CLIC1: variants seen among roughly 807,000 people sequenced by gnomAD.
The protein encoded by CLIC1 is chloride intracellular channel protein 1.
CLIC1 carries 16 observed loss-of-function variants against 26.4 expected under a neutral mutation model. That is an observed-to-expected ratio of 0.61 (90% CI 0.41 to 0.92). The LOEUF is 0.92. CLIC1 is among the 40% of genes least tolerant of loss of function. The pLI is 0.00. For missense variants in CLIC1, 225 were observed against 289.7 expected (o/e 0.78, Z 1.62); for synonymous variants, 98 against 120.8 (o/e 0.81, Z 1.24).
chr6:31,731,017 G>A lies in CLIC1; in HGVS notation c.565-14C>T. 6.2e-7 allele frequency: 1 copy of A among 1,611,052 alleles called. No homozygotes were observed. The highest frequency in any genetic ancestry group is 8.5e-7 in the Non-Finnish European group (1 of 1,179,062). The stretch of plus-strand genomic sequence containing the variant: ...CTTACACACCACCTGAGGATGGGGA[G>A]AGGAGAGGGACCAACATGTTAGACC... On this transcript the variant is annotated splice_polypyrimidine_tract_variant and intron_variant, in intron 5 of 5. Coordinates refer to ENST00000375784, the Ensembl canonical transcript of CLIC1.
chr6:31,734,025 G>A lies in CLIC1; in HGVS notation c.150-64C>T. 6.2e-7 allele frequency: 1 copy of A among 1,601,272 alleles called. No individual in the cohort carries two copies. The highest frequency in any genetic ancestry group is 8.5e-7 in the Non-Finnish European group (1 of 1,171,706). On this transcript the variant is annotated intron_variant, in intron 2 of 5. Coordinates refer to ENST00000375784, the Ensembl canonical transcript of CLIC1. The surrounding 1 kb of genome is among the most constrained non-coding windows in gnomAD (Gnocchi z 5.3). ...TCAGGAAGAACCAGAAAGGGGGAAT[G>A]GAGGACGTGGGATAAGAAAGGGACT...
At position 31,730,896 on chromosome 6, in the gene CLIC1, T is replaced by C; in HGVS notation, c.672A>G (p.Pro224=). ...AGGCGAGCTCGATCTCCTCATCATCTGGACAGGTGGAAGCGAATTCTTCCC... is the reference window on the plus strand; with the variant it reads ...AGGCGAGCTCGATCTCCTCATCATCCGGACAGGTGGAAGCGAATTCTTCCC... The change falls in exon 6 of 6, where the codon CCA becomes CCG. Residue 224 remains proline, a synonymous_variant. Transcript: ENST00000375784. This position sits in a 1 kb window ranked among gnomAD's most constrained non-coding sequence, Gnocchi z 5.1. 2 of 1,613,122 alleles carry C rather than the reference T, an allele frequency of 1.2e-6. No homozygotes were observed. The highest frequency in any genetic ancestry group is 1.7e-6 in the Non-Finnish European group (2 of 1,180,044).
In CLIC1 at chr6:31,736,057, T is replaced by G. The variant is rs906653319; in HGVS notation, c.39+205A>C. On this transcript the variant is annotated intron_variant, in intron 1 of 5. Transcript: ENST00000375784. The surrounding 1 kb of genome is among the most constrained non-coding windows in gnomAD (Gnocchi z 5.0). ...GCTAGAAACTTGCACTTTTACAAACTTTTCAGGGTTGATCCTAGAATTCTC... is the reference window on the plus strand; with the variant it reads ...GCTAGAAACTTGCACTTTTACAAACGTTTCAGGGTTGATCCTAGAATTCTC... 1.1e-4 allele frequency among the ~76,000 whole-genome samples: 17 copies of G among 152,114 alleles called. No individual in the cohort carries two copies. Among genetic ancestry groups the G allele is most frequent in the African/African-American group, 4.1e-4 (17 of 41,410 alleles).
At chr6:31,731,901 T>C (rs917209344) in intron 5 of CLIC1, among the ~76,000 whole-genome samples, 3 of 152,208 alleles carry the variant, frequency 2.0e-5, no homozygotes, top group African/African-American at 7.2e-5. Flanking sequence ...AAAAGCCTGC[T>C]CTGTCTAATC....
Position 31,733,470 on chromosome 6 carries a change from C to T in CLIC1, c.382+96G>A, listed in dbSNP as rs1470987989. The T allele has an allele frequency of 1.2e-6, 1 of 837,192 alleles. No homozygotes were observed. The highest frequency in any genetic ancestry group is 2.0e-6 in the Non-Finnish European group (1 of 500,678). 51.9% of individuals were successfully genotyped at this position (837,192 alleles called of 1,614,324 possible). ...AATTTACGAACATCTGCTTCATCTC[C>T]CTGATATCTGAACGTCCAGGTGCCC... On this transcript the variant is annotated intron_variant, in intron 4 of 5. Coordinates refer to ENST00000375784, the Ensembl canonical transcript of CLIC1. The surrounding 1 kb of genome is among the most constrained non-coding windows in gnomAD (Gnocchi z 5.4).
In CLIC1 at chr6:31,736,137, G is replaced by A. The variant is rs535192901; in HGVS notation, c.39+125C>T. 1 of 935,610 alleles carries A rather than the reference G, an allele frequency of 1.1e-6. No homozygotes were observed. The highest frequency in any genetic ancestry group is 1.6e-5 in the African/African-American group (1 of 61,714). The allele number at this position is 935,610 out of a possible 1,614,324, so 58.0% of individuals were successfully genotyped here. A position where few individuals can be genotyped will look rare whatever the true frequency, so the allele number is the denominator to read the frequency against. Reference sequence around the variant, plus strand: ...CTCTCAAAACCACCCCTCAACCAAAGAGTGCACGTGGGATTGGGGGTGGGA... The same window carrying A: ...CTCTCAAAACCACCCCTCAACCAAAAAGTGCACGTGGGATTGGGGGTGGGA... On this transcript the variant is annotated intron_variant, in intron 1 of 5. Coordinates refer to ENST00000375784, the Ensembl canonical transcript of CLIC1. The surrounding 1 kb of genome is among the most constrained non-coding windows in gnomAD (Gnocchi z 5.0).
chr6:31,731,801 T>C (rs1363183013), intron 5 of CLIC1, among the ~76,000 whole-genome samples: 3 of 152,212 alleles, frequency 2.0e-5, no homozygotes, highest in Non-Finnish European at 4.4e-5. Flanking sequence ...TTTGAGACTA[T>C]GACAAAAACA....
chr6:31,732,155 T>C lies in CLIC1; in HGVS notation c.564+62A>G. On this transcript the variant is annotated intron_variant, in intron 5 of 5. Transcript: ENST00000375784. This position sits in a 1 kb window ranked among gnomAD's most constrained non-coding sequence, Gnocchi z 5.0. ...TAGAGTGGTTGTCAGGGGAAGCCCATGTGGGAGCTCCTTAAAGGGCCACTC... is the reference window on the plus strand; with the variant it reads ...TAGAGTGGTTGTCAGGGGAAGCCCACGTGGGAGCTCCTTAAAGGGCCACTC... 7.7e-7 allele frequency: 1 copy of C among 1,297,966 alleles called. No individual in the cohort carries two copies. Among genetic ancestry groups the C allele is most frequent in the Non-Finnish European group, 1.0e-6 (1 of 991,374 alleles). The allele number at this position is 1,297,966 out of a possible 1,614,324, so 80.4% of individuals were successfully genotyped here. A position where few individuals can be genotyped will look rare whatever the true frequency, so the allele number is the denominator to read the frequency against.
chr6:31,733,347 C>G lies in CLIC1; in HGVS notation c.382+219G>C, dbSNP rs142893798. Among the ~76,000 whole-genome samples the G allele has an allele frequency of 6.6e-6, 1 of 152,130 alleles. No homozygotes were observed. Among genetic ancestry groups the G allele is most frequent in the Non-Finnish European group, 1.5e-5 (1 of 67,996 alleles). ...CAGCCAACTAACGTCCTCAGTGGGG[C>G]AGAAGAGGCTAGGGAACAAATGAGA... is the stretch of plus-strand genomic sequence containing the variant. On this transcript the variant is annotated intron_variant, in intron 4 of 5. Coordinates refer to ENST00000375784, the Ensembl canonical transcript of CLIC1. The surrounding 1 kb of genome is among the most constrained non-coding windows in gnomAD (Gnocchi z 5.4).
At position 31,730,744 on chromosome 6, in the gene CLIC1, A is replaced by C. The variant is rs1329702068; in HGVS notation, c.*98T>G. ...ACAAGTGCTCCAGGATTCCCTGCCCACTGGCCATTTTGGAGTGTGTCCATT... is the reference window on the plus strand; with the variant it reads ...ACAAGTGCTCCAGGATTCCCTGCCCCCTGGCCATTTTGGAGTGTGTCCATT... On this transcript the variant is annotated 3_prime_UTR_variant, in exon 6 of 6. Transcript: ENST00000375784. This position sits in a 1 kb window ranked among gnomAD's most constrained non-coding sequence, Gnocchi z 5.1. 7.6e-7 allele frequency: 1 copy of C among 1,313,518 alleles called. No homozygotes were observed. The highest frequency in any genetic ancestry group is 2.3e-4 in the Middle Eastern group (1 of 4,366). The allele number at this position is 1,313,518 out of a possible 1,614,324, so 81.4% of individuals were successfully genotyped here.
upstream of CLIC1, chr6:31,736,886 C>T (rs1288520976): frequency 1.0e-6 from 1 of 985,756 alleles, no homozygotes; most frequent in African/African-American, 1.7e-5. This position sits in a 1 kb window ranked among gnomAD's most constrained non-coding sequence, Gnocchi z 5.0. Flanking sequence ...AGACTCCAAT[C>T]CAAATTCTGG....
chr6:31,737,093 C>CA, upstream of CLIC1: 4 of 231,254 alleles, frequency 1.7e-5, no homozygotes, highest in African/African-American at 2.3e-5. Flanking sequence ...CTAGGACTTG[C>CA]AGTCCTTGTG....
At chr6:31,736,945 G>A (rs1409929406), upstream of CLIC1, 1 of 985,754 alleles carries the variant, frequency 1.0e-6, no homozygotes, top group Non-Finnish European at 1.2e-6. This position sits in a 1 kb window ranked among gnomAD's most constrained non-coding sequence, Gnocchi z 5.0. Flanking sequence ...GGAAGGCTGG[G>A]ACTGCAGATA....
chr6:31,733,630 A>G lies in CLIC1; in HGVS notation c.318T>C (p.Ala106=). 1 of 1,613,096 alleles carries G rather than the reference A, an allele frequency of 6.2e-7. No homozygotes were observed. Among genetic ancestry groups the G allele is most frequent in the Non-Finnish European group, 8.5e-7 (1 of 1,180,030 alleles). Reference sequence around the variant, plus strand: ...AAAATTTGGCAAATATGTCCAGCCCAGCTGTGTTGGACTCAGGGTTCAGAG... The same window carrying G: ...AAAATTTGGCAAATATGTCCAGCCCGGCTGTGTTGGACTCAGGGTTCAGAG... The change falls in exon 4 of 6, where the codon GCT becomes GCC. Residue 106 remains alanine, a synonymous_variant. Coordinates refer to ENST00000375784, the Ensembl canonical transcript of CLIC1. This position sits in a 1 kb window ranked among gnomAD's most constrained non-coding sequence, Gnocchi z 5.4.
At chr6:31,735,381 C>T (rs769563073) in intron 1 of CLIC1, among the ~76,000 whole-genome samples, 6 of 151,328 alleles carry the variant, frequency 4.0e-5, no homozygotes, top group African/African-American at 2.4e-5. Flanking sequence ...GGGGAGCGGC[C>T]GCTGCAATCA....
Position 31,734,075 on chromosome 6 carries a change from T to C in CLIC1, c.149+79A>G, listed in dbSNP as rs551287842. On this transcript the variant is annotated intron_variant, in intron 2 of 5. Transcript: ENST00000375784. This position sits in a 1 kb window ranked among gnomAD's most constrained non-coding sequence, Gnocchi z 5.3. ...TCCAGGGGGAGGGCAAAAATGTTCATGACAGAAGGACTCGGGTGGGTGTGT... is the reference window on the plus strand; with the variant it reads ...TCCAGGGGGAGGGCAAAAATGTTCACGACAGAAGGACTCGGGTGGGTGTGT... 1.1e-5 allele frequency: 18 copies of C among 1,585,668 alleles called. No homozygotes were observed. Among genetic ancestry groups the C allele is most frequent in the Non-Finnish European group, 1.6e-5 (18 of 1,155,364 alleles).
Position 31,736,451 on chromosome 6 carries a change from C to T in CLIC1, c.-151G>A. The T allele has an allele frequency of 6.9e-7, 1 of 1,443,788 alleles. No individual in the cohort carries two copies. Among genetic ancestry groups the T allele is most frequent in the Non-Finnish European group, 9.1e-7 (1 of 1,093,634 alleles). 89.4% of individuals were successfully genotyped at this position (1,443,788 alleles called of 1,614,324 possible). On this transcript the variant is annotated 5_prime_UTR_variant, in exon 1 of 6. Coordinates refer to ENST00000375784, the Ensembl canonical transcript of CLIC1. This position sits in a 1 kb window ranked among gnomAD's most constrained non-coding sequence, Gnocchi z 5.0. ...CAAGCTCAATCAGACCTACTTGCAC[C>T]CAAACTAGGCCTCCCCACCAGCCCA...
chr6:31,734,275 C>T lies in CLIC1; in HGVS notation c.40-12G>A. The T allele has an allele frequency of 6.2e-7, 1 of 1,608,792 alleles. No homozygotes were observed. Among genetic ancestry groups the T allele is most frequent in the Non-Finnish European group, 8.5e-7 (1 of 1,175,400 alleles). ...CCATCACTGCCAGCCTGAAAAGTAA[C>T]CCCAACCCAAGGTTATGCCTGATGC... On this transcript the variant is annotated splice_polypyrimidine_tract_variant and intron_variant, in intron 1 of 5. Transcript: ENST00000375784. The surrounding 1 kb of genome is among the most constrained non-coding windows in gnomAD (Gnocchi z 5.3).
Position 31,730,621 on chromosome 6 carries a change from T to C in CLIC1, c.*221A>G. ...TGATTTTTATTCTGTATTTTATTACTGAAATATGTTGTCCTACTCATCCCA... is the reference window on the plus strand; with the variant it reads ...TGATTTTTATTCTGTATTTTATTACCGAAATATGTTGTCCTACTCATCCCA... On this transcript the variant is annotated 3_prime_UTR_variant, in exon 6 of 6. Coordinates refer to ENST00000375784, the Ensembl canonical transcript of CLIC1. The surrounding 1 kb of genome is among the most constrained non-coding windows in gnomAD (Gnocchi z 5.1). 2 of 549,584 alleles carry C rather than the reference T, an allele frequency of 3.6e-6. No individual in the cohort carries two copies. The highest frequency in any genetic ancestry group is 6.5e-6 in the Non-Finnish European group (2 of 308,190). The allele number at this position is 549,584 out of a possible 1,614,324, so 34.0% of individuals were successfully genotyped here. A position where few individuals can be genotyped will look rare whatever the true frequency, so the allele number is the denominator to read the frequency against.
Sources: gnomAD v4.1 joint callset for allele counts (sites outside exome capture counted in the v4.1 genomes callset) on GRCh38, gnomAD v4.1.1 for gene constraint, Gnocchi (gnomAD v3.1) non-coding constraint, MANE v1.5 for transcripts, NCBI Gene and HGNC (gene_info 2026-07-23, HGNC 2026-07-21) for gene names.